PVT1: variants seen among roughly 807,000 people sequenced by gnomAD.
The protein encoded by PVT1 is CXCR4/PVT1 fusion.
At chr8:128,079,762 T>C (rs1454785063) in intron 5 of PVT1, among the ~76,000 whole-genome samples, 1 of 152,182 alleles carries the variant, frequency 6.6e-6, no homozygotes, top group African/African-American at 2.4e-5. Context: ...TCTCACTCTG[T>C]CGCCCAGGCT....
intron 4 of PVT1, among the ~76,000 whole-genome samples, chr8:127,990,897 G>A (rs1817029505): frequency 6.6e-6 from 1 of 152,192 alleles, no homozygotes; most frequent in Non-Finnish European, 1.5e-5. Flanking sequence ...AGGCTTCCTG[G>A]AGCAGGTGCT....
intron 3 of PVT1, among the ~76,000 whole-genome samples, chr8:127,918,096 C>CT (rs1317319583): frequency 5.3e-5 from 8 of 152,214 alleles, no homozygotes; most frequent in Admixed American, 3.3e-4. Context: ...GCAGCGCTGC[C>CT]TTTCATCTCT....
chr8:127,898,430 G>A lies in PVT1; in HGVS notation n.782+7432G>A, dbSNP rs775591525. Among the ~76,000 whole-genome samples the A allele has an allele frequency of 2.6e-5, 4 of 152,236 alleles. No homozygotes were observed. The highest frequency in any genetic ancestry group is 5.9e-5 in the Non-Finnish European group (4 of 68,044). On this transcript the variant is annotated intron_variant and non_coding_transcript_variant, in intron 3 of 10. Coordinates refer to ENST00000651587, the Ensembl canonical transcript of PVT1. This position sits in a 1 kb window ranked among gnomAD's most constrained non-coding sequence, Gnocchi z 4.4. Reference sequence around the variant, plus strand: ...AGAACCCAGAGATCAGGCTTTTGAGGACGGTAAAGCCTCAAGATACATTCT... The same window carrying A: ...AGAACCCAGAGATCAGGCTTTTGAGAACGGTAAAGCCTCAAGATACATTCT...
At chr8:127,921,854 G>GTTTTTTTGTTTTTTTTTTTTTTTTTTTT (rs1816063128) in intron 3 of PVT1, among the ~76,000 whole-genome samples, 14 of 71,908 alleles carry the variant, frequency 1.9e-4, no homozygotes, top group African/African-American at 8.5e-4. Context: ...TTTGGTTCAT[G>GTTTTTTTGTTTTTTTTTTTTTTTTTTTT]TTTTTTTTTT....
At chr8:127,906,609 T>TG (rs942279126) in intron 3 of PVT1, among the ~76,000 whole-genome samples, 5 of 151,966 alleles carry the variant, frequency 3.3e-5, no homozygotes, top group East Asian at 1.9e-4. Context: ...GAGAGGGGGA[T>TG]GGGGGGTGGA....
At chr8:127,972,830 G>A (rs771952020) in intron 3 of PVT1, among the ~76,000 whole-genome samples, 15 of 152,158 alleles carry the variant, frequency 9.9e-5, no homozygotes, top group Non-Finnish European at 2.1e-4. Context: ...AAGGACTGGG[G>A]CATCTGTGCT....
chr8:128,057,634 C>T (rs1038551949), intron 4 of PVT1, among the ~76,000 whole-genome samples: 4 of 152,238 alleles, frequency 2.6e-5, no homozygotes, highest in African/African-American at 7.2e-5. Flanking sequence ...AATCCCACTG[C>T]TCACTGCCTG....
intron 3 of PVT1, among the ~76,000 whole-genome samples, chr8:127,963,895 A>G (rs772255329): frequency 2.0e-5 from 3 of 152,086 alleles, no homozygotes; most frequent in Non-Finnish European, 4.4e-5. Context: ...ATATTGACTG[A>G]AGAGTTGGAA....
At chr8:128,089,336 A>G (rs1201441807) in intron 5 of PVT1, among the ~76,000 whole-genome samples, 1 of 152,100 alleles carries the variant, frequency 6.6e-6, no homozygotes, top group Non-Finnish European at 1.5e-5. Flanking sequence ...CCTAATGTGA[A>G]GGAAGGGGCA....
chr8:127,907,692 C>T lies in PVT1; in HGVS notation n.782+16694C>T, dbSNP rs1438179271. 2.1e-4 allele frequency among the ~76,000 whole-genome samples: 32 copies of T among 152,208 alleles called. 1 individual carries two copies. Among genetic ancestry groups the T allele is most frequent in the Non-Finnish European group, 1.0e-4 (7 of 68,014 alleles). On this transcript the variant is annotated intron_variant and non_coding_transcript_variant, in intron 3 of 10. Transcript: ENST00000651587. ...AATGATCAGATTTGGGTCAGGAAGC[C>T]CAGATGGCAGAAAGATTGTGTTAAA...
intron 2 of PVT1, among the ~76,000 whole-genome samples, chr8:127,827,704 C>T (rs1400325808): frequency 6.6e-6 from 1 of 152,142 alleles, no homozygotes; most frequent in Admixed American, 6.5e-5. Flanking sequence ...TTCCTTCCCC[C>T]TTTCTTTCTG....
intron 4 of PVT1, among the ~76,000 whole-genome samples, chr8:128,024,755 C>T (rs769892133): frequency 1.1e-4 from 16 of 152,244 alleles, no homozygotes; most frequent in Non-Finnish European, 1.5e-4. Context: ...TGCTCCTATG[C>T]GCCTGTGCTG....
At chr8:127,919,362 G>A (rs1280671692) in intron 3 of PVT1, among the ~76,000 whole-genome samples, 1 of 152,186 alleles carries the variant, frequency 6.6e-6, no homozygotes, top group African/African-American at 2.4e-5. Context: ...AAAGGATTCA[G>A]GTAACAAAGC....
At chr8:127,916,990 T>C (rs1206778521) in intron 3 of PVT1, among the ~76,000 whole-genome samples, 1 of 152,204 alleles carries the variant, frequency 6.6e-6, no homozygotes, top group African/African-American at 2.4e-5. Flanking sequence ...GGATGGATTA[T>C]CTCACCTTGC....
chr8:127,998,487 A>G (rs1817132640), intron 4 of PVT1: 3 of 151,872 alleles, frequency 2.0e-5, no homozygotes, highest in Admixed American at 2.0e-4. Context: ...CATTTGACAT[A>G]CTTTCTTATT....
chr8:127,949,806 C>CA (rs903192560), intron 3 of PVT1, among the ~76,000 whole-genome samples: 17 of 152,354 alleles, frequency 1.1e-4, no homozygotes, highest in Non-Finnish European at 1.3e-4. Flanking sequence ...CAGGGAGGCC[C>CA]AGTGCCGGCT....
chr8:128,084,724 A>G (rs1265788208), intron 5 of PVT1, among the ~76,000 whole-genome samples: 3 of 152,216 alleles, frequency 2.0e-5, no homozygotes, highest in South Asian at 2.1e-4. Context: ...AGCCTGCTCA[A>G]TTGGCCCTGA....
At chr8:128,040,620 C>T (rs951660884) in intron 4 of PVT1, among the ~76,000 whole-genome samples, 12 of 152,148 alleles carry the variant, frequency 7.9e-5, no homozygotes, top group African/African-American at 2.4e-4. Flanking sequence ...TAAATATGAG[C>T]GTGATCATCA....
intron 2 of PVT1, among the ~76,000 whole-genome samples, chr8:127,876,574 A>C (rs774936342): frequency 1.5e-4 from 23 of 150,048 alleles, no homozygotes; most frequent in Non-Finnish European, 3.1e-4. Flanking sequence ...TTCGTCCTTT[A>C]CCTTTCCCTG....
Sources: allele counts gnomAD v4.1 joint callset (sites outside exome capture counted in the v4.1 genomes callset), GRCh38; gene constraint gnomAD v4.1.1; non-coding constraint Gnocchi (gnomAD v3.1); transcripts MANE v1.5; gene names NCBI Gene and HGNC (gene_info 2026-07-23, HGNC 2026-07-21).